Variants in NEO1 observed in about 807,000 individuals in gnomAD.
NEO1 encodes the protein neogenin 1.
Under a neutral mutation model 159.7 loss-of-function variants are expected in NEO1, and 63 were observed. The observed-to-expected ratio is 0.39, with a 90% confidence interval of 0.32 to 0.49. The LOEUF (loss-of-function observed/expected upper bound fraction) is 0.49. NEO1 is among the 20% of genes least tolerant of loss of function. The pLI, the probability that NEO1 is intolerant of heterozygous loss-of-function variation, is 0.85. For missense variants in NEO1, 1,615 were observed against 1,831.0 expected (o/e 0.88, Z 2.15); for synonymous variants, 633 against 662.0 (o/e 0.96, Z 0.67).
intron 7 of NEO1, among the ~76,000 whole-genome samples, chr15:73,189,471 A>G (rs1333075804): frequency 1.3e-5 from 2 of 152,226 alleles, no homozygotes; most frequent in African/African-American, 4.8e-5. Flanking sequence ...CTCTTCTGTG[A>G]GTTGTATTCT....
intron 7 of NEO1, among the ~76,000 whole-genome samples, chr15:73,225,350 C>T (rs143280146): frequency 0.014 from 2,068 of 152,042 alleles, 20 homozygotes; most frequent in South Asian, 0.017. Flanking sequence ...CAGAGGTGCG[C>T]GGGGTCCTAG....
Position 73,053,947 on chromosome 15 carries a change from G to T in NEO1, c.130+1142G>T, listed in dbSNP as rs1264144849. 2.0e-5 allele frequency among the ~76,000 whole-genome samples: 3 copies of T among 152,316 alleles called. No individual in the cohort carries two copies. In the East Asian group the frequency reaches 5.8e-4, roughly 29 times the overall value. On this transcript the variant is annotated intron_variant, in intron 1 of 28. Coordinates refer to ENST00000261908, the MANE Select transcript of NEO1 (RefSeq NM_002499.4). ...TGACTGATAAACTTTTCATTTCCTT[G>T]CAGAGTGTGTATGTAGCTCATGGCT...
chr15:73,162,617 C>G (rs918934231), intron 5 of NEO1: 5 of 154,152 alleles, frequency 3.2e-5, no homozygotes, highest in Admixed American at 2.6e-4. Context: ...AGGCTGGTCT[C>G]GAACCCCTGA....
Position 73,116,674 on chromosome 15 carries a change from GA to G in NEO1, c.266del (p.Asp89ValfsTer5). The G allele has an allele frequency of 6.2e-7, 1 of 1,613,948 alleles. No individual in the cohort carries two copies. The highest frequency in any genetic ancestry group is 8.5e-7 in the Non-Finnish European group (1 of 1,179,914). ...TTCTCCAAAAATTGAATGGAAAAAA[GA>G]TGGAACTTTTTTAAACTTAGTATCA... ...EPSPKIEWKKDGTFLNLVSDD... is the reference protein window; with the variant it reads ...EPSPKIEWKKXGTFLNLVSDD... On this transcript the variant is annotated frameshift_variant, in exon 2 of 29. Coordinates refer to ENST00000261908, the MANE Select transcript of NEO1 (RefSeq NM_002499.4). LOFTEE classifies it high-confidence loss of function.
chr15:73,235,912 CTT>C (rs2039145838), intron 7 of NEO1, among the ~76,000 whole-genome samples: 4 of 152,300 alleles, frequency 2.6e-5, no homozygotes, highest in Middle Eastern at 3.4e-3. Context: ...ATTTGCAAGA[CTT>C]TTATGCAAAG....
At chr15:73,107,407 A>G (rs2070748033) in intron 1 of NEO1, among the ~76,000 whole-genome samples, 1 of 152,228 alleles carries the variant, frequency 6.6e-6, no homozygotes, top group South Asian at 2.1e-4. Flanking sequence ...GGTCATAATA[A>G]CTGCAGAAGA....
rs149780477 is a variant in NEO1, at chr15:73,118,903, T to C, written c.448+2046T>C. Among the ~76,000 whole-genome samples the C allele has an allele frequency of 6.4e-3, 976 of 152,346 alleles. 10 individuals are homozygous for C. Among genetic ancestry groups the C allele is most frequent in the African/African-American group, 0.022 (935 of 41,578 alleles). ...TTAAATGGATTAAAATTGTTGGATG[T>C]TATAGGCAATACTATAGTGAACTGC... On this transcript the variant is annotated intron_variant, in intron 2 of 28. Coordinates refer to ENST00000261908, the MANE Select transcript of NEO1 (RefSeq NM_002499.4).
chr15:73,247,904 C>T (rs1164593033), intron 9 of NEO1, among the ~76,000 whole-genome samples: 7 of 152,108 alleles, frequency 4.6e-5, no homozygotes, highest in Non-Finnish European at 8.8e-5. Context: ...AAGCAGTCAG[C>T]CAGTGATCCA....
At chr15:73,204,082 A>C (rs778278055) in intron 7 of NEO1, among the ~76,000 whole-genome samples, 7 of 150,324 alleles carry the variant, frequency 4.7e-5, no homozygotes, top group Admixed American at 6.7e-5. Context: ...TAACCTTTGA[A>C]GTGCAATTTT....
intron 7 of NEO1, among the ~76,000 whole-genome samples, chr15:73,194,088 A>G (rs976357713): frequency 6.6e-6 from 1 of 152,158 alleles, no homozygotes; most frequent in East Asian, 1.9e-4. Flanking sequence ...TACCAAGTCA[A>G]AGGGTTGGAA....
chr15:73,145,147 G>A (rs1420081508), intron 5 of NEO1, among the ~76,000 whole-genome samples: 1 of 152,120 alleles, frequency 6.6e-6, no homozygotes, highest in Non-Finnish European at 1.5e-5. Flanking sequence ...TAAAAAAGGG[G>A]GGAGGTGGAA....
rs1401154134 is a variant in NEO1 at position 73,146,469 on chromosome 15, A to C, written c.1015+10442A>C. Reference sequence around the variant, plus strand: ...TTAAGGTATTACTGTATGTTAGAAAAGTCTTTACAATTGCTTTATAATCCT... The same window carrying C: ...TTAAGGTATTACTGTATGTTAGAAACGTCTTTACAATTGCTTTATAATCCT... On this transcript the variant is annotated intron_variant, in intron 5 of 28. Coordinates refer to ENST00000261908, the MANE Select transcript of NEO1 (RefSeq NM_002499.4). Among the ~76,000 whole-genome samples the C allele has an allele frequency of 2.0e-5, 3 of 152,232 alleles. No homozygotes were observed. In the South Asian group the frequency reaches 6.2e-4, roughly 32 times the overall value.
chr15:73,085,095 G>GT (rs142517146), intron 1 of NEO1, among the ~76,000 whole-genome samples: 47,427 of 151,232 alleles, frequency 0.31, 9,005 homozygotes, highest in Admixed American at 0.45. Flanking sequence ...AGTTAAAAAA[G>GT]TTTTTTTTTA....
At chr15:73,276,986 T>G (rs1373043875) in intron 21 of NEO1, among the ~76,000 whole-genome samples, 1 of 152,200 alleles carries the variant, frequency 6.6e-6, no homozygotes, top group Non-Finnish European at 1.5e-5. Context: ...TCAGTCAGTA[T>G]TAAAAATATT....
intron 8 of NEO1, among the ~76,000 whole-genome samples, chr15:73,240,252 A>G (rs2039425022): frequency 1.3e-5 from 2 of 152,134 alleles, no homozygotes; most frequent in South Asian, 2.1e-4. Flanking sequence ...TTTCAATGAG[A>G]CACACTTATT....
Position 73,178,327 on chromosome 15 carries a change from T to C in NEO1, c.1191T>C (p.Val397=). The change falls in exon 7 of 29, where the codon GTT becomes GTC. Residue 397 remains valine (V), a synonymous_variant. Coordinates refer to ENST00000261908, the MANE Select transcript of NEO1 (RefSeq NM_002499.4). The part of the protein sequence containing the change: ...FKIVKEHNLQ[V]LGLVKSDEGF... Reference sequence around the variant, plus strand: ...TTCAGAAGGAACATAATCTTCAAGTTTTGGGTCTGGTGAAATCAGATGAAG... The same window carrying C: ...TTCAGAAGGAACATAATCTTCAAGTCTTGGGTCTGGTGAAATCAGATGAAG... The C allele has an allele frequency of 6.2e-7, 1 of 1,613,240 alleles. No homozygotes were observed. Among genetic ancestry groups the C allele is most frequent in the East Asian group, 2.2e-5 (1 of 44,828 alleles).
chr15:73,283,126 A>AT lies in NEO1; in HGVS notation c.3410+16dup. The AT allele has an allele frequency of 6.2e-7, 1 of 1,613,774 alleles. No homozygotes were observed. Among genetic ancestry groups the AT allele is most frequent in the Non-Finnish European group, 8.5e-7 (1 of 1,179,922 alleles). On this transcript the variant is annotated intron_variant, in intron 23 of 28. Transcript: ENST00000261908. ...CACCAGAAAAAGTAAGAAGCCCCAG[A>AT]TGCACCCCTTAGATTTTTGGCATCT... is the stretch of plus-strand genomic sequence containing the variant.
chr15:73,129,898 T>C (rs755426067), intron 4 of NEO1, among the ~76,000 whole-genome samples: 5 of 152,194 alleles, frequency 3.3e-5, no homozygotes, highest in Non-Finnish European at 5.9e-5. Flanking sequence ...GGATGTTACA[T>C]GTGAAACAAA....
At chr15:73,198,894 T>G (rs2036693104) in intron 7 of NEO1, among the ~76,000 whole-genome samples, 1 of 151,900 alleles carries the variant, frequency 6.6e-6, no homozygotes, top group African/African-American at 2.4e-5. Context: ...TCATATATCC[T>G]ACACCATTTT....
Sources: allele counts gnomAD v4.1 joint callset (sites outside exome capture counted in the v4.1 genomes callset), GRCh38; gene constraint gnomAD v4.1.1; transcripts MANE v1.5; gene names NCBI Gene and HGNC (gene_info 2026-07-23, HGNC 2026-07-21).